The following FHOD1 variants were observed in gnomAD, a reference collection of about 807,000 sequenced individuals.
FHOD1 encodes the protein formin homology 2 domain containing 1.
FHOD1 carries 89 observed loss-of-function variants against 111.6 expected under a neutral mutation model. That is an observed-to-expected ratio of 0.80 (90% CI 0.67 to 0.95). The LOEUF (loss-of-function observed/expected upper bound fraction) is 0.95. Ranked by LOEUF, FHOD1 falls within the 40% of genes least tolerant of loss-of-function variation. The probability of loss-of-function intolerance (pLI) is 0.00; values close to 1 mark genes in which losing one functional copy is unlikely to be tolerated. For synonymous variants in FHOD1, 618 were observed against 639.0 expected, an observed-to-expected ratio of 0.97 and a Z score of 0.50; for missense variants, 1,446 against 1,554.2, an observed-to-expected ratio of 0.93 and a Z score of 1.17.
In FHOD1 at chr16:67,231,527, T is replaced by G; in HGVS notation, c.2408A>C (p.Asp803Ala). The change falls in exon 16 of 22, where the codon GAC becomes GCC. Residue 803 changes from aspartate to alanine, a missense_variant. This residue lies in a region of FHOD1 where 1,085 missense variants were observed against 1,108.8 expected (regional missense o/e 0.98). Transcript: ENST00000258201. This position sits in a 1 kb window ranked among gnomAD's most constrained non-coding sequence, Gnocchi z 4.3. ...CAGCTGTTCCATACCCACTTTCAGGTCAAACAGTGGCTCAGCAATTTCCTG... is the reference window on the plus strand; with the variant it reads ...CAGCTGTTCCATACCCACTTTCAGGGCAAACAGTGGCTCAGCAATTTCCTG... ...MEREIAEPLF[D>A]LKVGMEQLVQ... is the part of the protein sequence containing the mutation. 6.2e-7 allele frequency: 1 copy of G among 1,614,038 alleles called. No individual in the cohort carries two copies. Among genetic ancestry groups the G allele is most frequent in the Non-Finnish European group, 8.5e-7 (1 of 1,180,006 alleles).
chr16:67,230,168 C>G lies in FHOD1; in HGVS notation c.3112G>C (p.Val1038Leu), dbSNP rs886507546. The change falls in exon 20 of 22, where the codon GTG (valine) becomes CTG (leucine). Residue 1038 changes from valine to leucine, a missense_variant. Physicochemically the swap from Val to Leu is conservative, Grantham distance 32 (BLOSUM62 1). Transcript: ENST00000258201. ...TCTCCCCGGCCTGGCCCGCTGCTCA[C>G]TGCTACTGGGACAGAGGGGTTGCTG... The part of the protein sequence containing the change: ...APSNPSVPVA[V>L]SSGPGRGDAD... 4 of 1,614,064 alleles carry G rather than the reference C, an allele frequency of 2.5e-6. No homozygotes were observed. Among genetic ancestry groups the G allele is most frequent in the African/African-American group, 2.7e-5 (2 of 74,944 alleles).
rs754148641 is a variant in FHOD1 at position 67,230,646 on chromosome 16, C to T, written c.2813G>A (p.Arg938His). The T allele has an allele frequency of 2.3e-5, 37 of 1,613,918 alleles. No individual in the cohort carries two copies. Among genetic ancestry groups the T allele is most frequent in the Middle Eastern group, 1.6e-4 (1 of 6,084 alleles). ...RLTHFLDQCARRVAMLRIVHR... is the reference protein window; with the variant it reads ...RLTHFLDQCAHRVAMLRIVHR... Reference sequence around the variant, plus strand: ...CACTATCCTTAGCATGGCAACACGGCGGGCACACTGGTCCAGGAAGTGGGT... The same window carrying T: ...CACTATCCTTAGCATGGCAACACGGTGGGCACACTGGTCCAGGAAGTGGGT... Residue 938 changes from arginine to histidine, a missense_variant, in exon 18 of 22, where the codon CGC becomes CAC. Arg to His is a conservative substitution (Grantham distance 29, BLOSUM62 0). Transcript: ENST00000258201.
In FHOD1 at chr16:67,238,502, T is replaced by C. The variant is rs763223200; in HGVS notation, c.374-55A>G. The C allele has an allele frequency of 3.8e-5, 57 of 1,500,858 alleles. No individual in the cohort carries two copies. The East Asian group carries it at 1.3e-3, about 35-fold the overall frequency. The allele number at this position is 1,500,858 out of a possible 1,614,324, so 93.0% of individuals were successfully genotyped here. A position where few individuals can be genotyped will look rare whatever the true frequency, so the allele number is the denominator to read the frequency against. On this transcript the variant is annotated intron_variant, in intron 3 of 21. Transcript: ENST00000258201. This position sits in a 1 kb window ranked among gnomAD's most constrained non-coding sequence, Gnocchi z 4.2. ...TGGACACAGACTCACTGTCTTCCTC[T>C]GCTTGGATACAACCACAACTCTCCA...
chr16:67,244,545 C>A (rs1348701243), intron 1 of FHOD1, among the ~76,000 whole-genome samples: 1 of 152,098 alleles, frequency 6.6e-6, no homozygotes, highest in Non-Finnish European at 1.5e-5. Flanking sequence ...ATGAGCAAGG[C>A]TTTCTGAGAT....
intron 1 of FHOD1, among the ~76,000 whole-genome samples, chr16:67,244,368 A>G (rs1371859016): frequency 6.6e-6 from 1 of 152,060 alleles, no homozygotes; most frequent in Non-Finnish European, 1.5e-5. Flanking sequence ...CCTCTGGCAA[A>G]GGCAGGTCTG....
At chr16:67,236,358 CAGG>C (rs982420940) in intron 11 of FHOD1, 196 bp downstream of exon 11, 8 of 1,430,390 alleles carry the variant, frequency 5.6e-6, no homozygotes, top group Admixed American at 5.7e-5. Flanking sequence ...AAGGAAACCA[CAGG>C]AGGAGGAGAT....
Position 67,238,143 on chromosome 16 carries a change from A to G in FHOD1, c.548-15T>C. On this transcript the variant is annotated splice_polypyrimidine_tract_variant and intron_variant, in intron 5 of 21. Transcript: ENST00000258201. The surrounding 1 kb of genome is among the most constrained non-coding windows in gnomAD (Gnocchi z 4.2). ...CTGGCCGAGCGCTGGGGAAACAGGG[A>G]TGGGCAGAGTCAGCGAGGGTCGCTG... The G allele has an allele frequency of 6.2e-7, 1 of 1,614,028 alleles. No homozygotes were observed. Among genetic ancestry groups the G allele is most frequent in the Non-Finnish European group, 8.5e-7 (1 of 1,179,910 alleles).
chr16:67,230,881 T>G, intron 17 of FHOD1, 90 bp from the exon 18 acceptor site: 1 of 1,385,166 alleles, frequency 7.2e-7, no homozygotes, highest in Non-Finnish European at 9.8e-7. Context: ...AGTGGCCAGC[T>G]TGGGCCCTAA....
chr16:67,239,018 C>T (rs1439542852), intron 2 of FHOD1, 51 bp from the exon 3 acceptor site: 4 of 1,584,532 alleles, frequency 2.5e-6, no homozygotes, highest in Non-Finnish European at 3.5e-6. Context: ...CTCAGCATTC[C>T]TCCCCACAAG....
Position 67,236,995 on chromosome 16 carries a change from C to G in FHOD1, c.1113G>C (p.Gly371=). ...GTTCCGGGGCACGCGCGGGGCAGCC[C>G]CCGCCTTCCAGAGAACGGCGGCTCC... ...GKRSRRSLEG[G]GCPARAPEPG... is the part of the protein sequence containing the mutation. The change falls in exon 10 of 22, where the codon GGG becomes GGC. Residue 371 remains glycine, a synonymous_variant. Transcript: ENST00000258201. The G allele has an allele frequency of 1.9e-6, 3 of 1,605,526 alleles. No homozygotes were observed. Among genetic ancestry groups the G allele is most frequent in the Non-Finnish European group, 2.6e-6 (3 of 1,176,402 alleles).
chr16:67,235,971 G>C (rs1262534383), intron 11 of FHOD1: 1 of 919,314 alleles, frequency 1.1e-6, no homozygotes, highest in Non-Finnish European at 1.3e-6. Context: ...CAATGCTGAA[G>C]CCCTGAGCAC....
Position 67,238,277 on chromosome 16 carries a change from G to T in FHOD1, c.472C>A (p.His158Asn). ...ATCAGGCAGCTCAGCCCCTCTGAAT[G>T]CACAAATTCAGGCACCAGGTCTTTG... ...EDKDLVPEFVHSEGLSCLIRV... is the reference protein window; with the variant it reads ...EDKDLVPEFVNSEGLSCLIRV... Residue 158 changes from histidine (H) to asparagine (N), a missense_variant, in exon 5 of 22, where the codon CAT (histidine) becomes AAT (asparagine). Physicochemically the swap from His to Asn is moderately conservative, Grantham distance 68. Around this residue, in one of 3 missense-constraint regions of FHOD1, gnomAD observed 234 missense variants for 327.4 expected, o/e 0.71. Coordinates refer to ENST00000258201, the MANE Select transcript of FHOD1 (RefSeq NM_013241.3). The surrounding 1 kb of genome is among the most constrained non-coding windows in gnomAD (Gnocchi z 4.2). 6.2e-7 allele frequency: 1 copy of T among 1,614,152 alleles called. No individual in the cohort carries two copies. The highest frequency in any genetic ancestry group is 1.1e-5 in the South Asian group (1 of 91,082).
At position 67,237,517 on chromosome 16, in the gene FHOD1, A is replaced by G; in HGVS notation, c.807T>C (p.Ala269=). The part of the protein sequence containing the change: ...LVSILEEKNG[A]DPELLVYTVT... The stretch of plus-strand genomic sequence containing the variant: ...CCGTGTACACCAACAACTCAGGGTC[A>G]GCGCCATTCTTCTCCTCCAGGATGG... Residue 269 remains alanine, a synonymous_variant, in exon 8 of 22, where the codon GCT becomes GCC. Transcript: ENST00000258201. The surrounding 1 kb of genome is among the most constrained non-coding windows in gnomAD (Gnocchi z 5.6). 1 of 1,614,220 alleles carries G rather than the reference A, an allele frequency of 6.2e-7. No individual in the cohort carries two copies. The highest frequency in any genetic ancestry group is 1.1e-5 in the South Asian group (1 of 91,080).
Position 67,237,313 on chromosome 16 carries a change from C to G in FHOD1, c.919G>C (p.Glu307Gln), listed in dbSNP as rs747423653. The G allele has an allele frequency of 4.3e-6, 7 of 1,614,076 alleles. No individual in the cohort carries two copies. In the South Asian group the frequency reaches 7.7e-5, roughly 18 times the overall value. The change falls in exon 9 of 22, where the codon GAA (glutamate) becomes CAA (glutamine). Residue 307 changes from glutamate to glutamine, a missense_variant. By Grantham distance (29) the Glu-to-Gln change is conservative (BLOSUM62 2). Coordinates refer to ENST00000258201, the MANE Select transcript of FHOD1 (RefSeq NM_013241.3). The surrounding 1 kb of genome is among the most constrained non-coding windows in gnomAD (Gnocchi z 5.6). ...VTDALEQQGM[E>Q]ALVQRHLGTA... Reference sequence around the variant, plus strand: ...CCCAGGTGGCGCTGGACCAGCGCTTCCATGCCCTGCTGCTCCAGTGCATCC... The same window carrying G: ...CCCAGGTGGCGCTGGACCAGCGCTTGCATGCCCTGCTGCTCCAGTGCATCC...
chr16:67,231,633 G>A lies in FHOD1; in HGVS notation c.2385+4C>T. ...CTGACTGTCCCACTCCAAGACCCAG[G>A]TACCCGCTCCATGCTGTCATAGTCC... On this transcript the variant is annotated splice_donor_region_variant and intron_variant, in intron 15 of 21. Transcript: ENST00000258201. The surrounding 1 kb of genome is among the most constrained non-coding windows in gnomAD (Gnocchi z 4.3). The A allele has an allele frequency of 6.2e-7, 1 of 1,614,096 alleles. No homozygotes were observed. The highest frequency in any genetic ancestry group is 8.5e-7 in the Non-Finnish European group (1 of 1,180,010).
chr16:67,238,945 T>A lies in FHOD1; in HGVS notation c.331A>T (p.Ile111Phe). ...CTCACAGAGAGCTGGGTCCGAAGGA[T>A]CAGCGTGGGCTTCCGCCCTTTGCTG... ...EISKGRKPTL[I>F]LRTQLSVRVN... is the part of the protein sequence containing the mutation. The change falls in exon 3 of 22, where the codon ATC becomes TTC. Residue 111 changes from isoleucine (I) to phenylalanine (F), a missense_variant. Around this residue, in one of 3 missense-constraint regions of FHOD1, gnomAD observed 234 missense variants for 327.4 expected, o/e 0.71. Coordinates refer to ENST00000258201, the MANE Select transcript of FHOD1 (RefSeq NM_013241.3). This position sits in a 1 kb window ranked among gnomAD's most constrained non-coding sequence, Gnocchi z 4.2. 6.2e-7 allele frequency: 1 copy of A among 1,614,152 alleles called. No homozygotes were observed. Among genetic ancestry groups the A allele is most frequent in the Non-Finnish European group, 8.5e-7 (1 of 1,180,012 alleles).
chr16:67,243,965 C>T (rs1275162639), intron 1 of FHOD1, among the ~76,000 whole-genome samples: 1 of 152,160 alleles, frequency 6.6e-6, no homozygotes, highest in Admixed American at 6.5e-5. Context: ...GACTCATGCC[C>T]ACACCTCAGT....
At chr16:67,236,880 T>TGAGGGG in intron 10 of FHOD1, 86 bp downstream of exon 10, 1 of 1,362,220 alleles carries the variant, frequency 7.3e-7, no homozygotes, top group Non-Finnish European at 9.5e-7. Flanking sequence ...GGGCGGGGCC[T>TGAGGGG]GAGGGGGTTG....
Position 67,234,276 on chromosome 16 carries a change from A to G in FHOD1, c.1436-9T>C. The G allele has an allele frequency of 6.4e-7, 1 of 1,573,836 alleles. No homozygotes were observed. Among genetic ancestry groups the G allele is most frequent in the Non-Finnish European group, 8.6e-7 (1 of 1,156,682 alleles). ...CCAGAGTTGCCGGGCATCTAAAGAAAGGGAAGGAGCTGTCAGTGCCATGCC... is the reference window on the plus strand; with the variant it reads ...CCAGAGTTGCCGGGCATCTAAAGAAGGGGAAGGAGCTGTCAGTGCCATGCC... On this transcript the variant is annotated splice_polypyrimidine_tract_variant and intron_variant, in intron 12 of 21. Coordinates refer to ENST00000258201, the MANE Select transcript of FHOD1 (RefSeq NM_013241.3).
Sources: gnomAD v4.1 joint callset for allele counts (sites outside exome capture counted in the v4.1 genomes callset) on GRCh38, gnomAD v4.1.1 for gene constraint, gnomAD v4.1.1 regional missense constraint, Gnocchi (gnomAD v3.1) non-coding constraint, MANE v1.5 for transcripts, NCBI Gene and HGNC (gene_info 2026-07-23, HGNC 2026-07-21) for gene names.